The following NDUFS4 variants were observed in gnomAD, a reference collection of about 807,000 sequenced individuals.
NDUFS4 encodes NADH dehydrogenase [ubiquinone] iron-sulfur protein 4, mitochondrial.
A neutral mutation model predicts 24.3 loss-of-function variants in NDUFS4; 28 were observed. The observed-to-expected ratio is 1.15, with a 90% CI of 0.85 to 1.58. The LOEUF (loss-of-function observed/expected upper bound fraction) is 1.58, where lower values mean the gene tolerates loss of function less well. Among genes scored for constraint, NDUFS4 ranks in the 40% most tolerant of loss-of-function variants. The pLI, the probability that NDUFS4 is intolerant of heterozygous loss-of-function variation, is 0.00. For missense variants in NDUFS4, 223 were observed against 207.9 expected (o/e 1.07, Z -0.45); for synonymous variants, 93 against 69.7 (o/e 1.34, Z -1.67).
At chr5:53,623,558 G>T (rs1751122517) in intron 2 of NDUFS4, among the ~76,000 whole-genome samples, 1 of 152,004 alleles carries the variant, frequency 6.6e-6, no homozygotes, top group Admixed American at 6.6e-5. Flanking sequence ...TTTTAATTTT[G>T]ATGACGTCTG....
At chr5:53,562,947 G>T (rs1321248941) in intron 1 of NDUFS4, among the ~76,000 whole-genome samples, 7 of 152,064 alleles carry the variant, frequency 4.6e-5, no homozygotes, top group Non-Finnish European at 1.0e-4. Flanking sequence ...AGGAAAGGAA[G>T]GGCCGGGCGC....
rs554278783 is a variant in NDUFS4 at position 53,647,480 on chromosome 5, G to A, written c.350+1075G>A. On this transcript the variant is annotated intron_variant, in intron 3 of 4. Transcript: ENST00000296684. Reference sequence around the variant, plus strand: ...CGATCCACCCACCTCAGCCTCGAAAGTACTGAGATTACAGGTGTGAGCCAC... The same window carrying A: ...CGATCCACCCACCTCAGCCTCGAAAATACTGAGATTACAGGTGTGAGCCAC... Among the ~76,000 whole-genome samples the A allele has an allele frequency of 9.9e-5, 15 of 152,200 alleles. No individual in the cohort carries two copies. The East Asian group carries it at 2.9e-3, about 29-fold the overall frequency.
chr5:53,628,292 A>G (rs1579893795), intron 2 of NDUFS4, among the ~76,000 whole-genome samples: 1 of 152,126 alleles, frequency 6.6e-6, no homozygotes, highest in African/African-American at 2.4e-5. Context: ...CTAGCATTTT[A>G]TTGAGGATTT....
intron 1 of NDUFS4, among the ~76,000 whole-genome samples, chr5:53,578,270 A>G (rs1301595802): frequency 6.6e-6 from 1 of 152,192 alleles, no homozygotes; most frequent in Non-Finnish European, 1.5e-5. Flanking sequence ...GTGGCCCCTT[A>G]TTAAGGCTCA....
rs1740731501 is a variant in NDUFS4 at position 53,683,172 on chromosome 5, A to G, written c.479A>G (p.Tyr160Cys). 6.2e-7 allele frequency: 1 copy of G among 1,612,700 alleles called. No individual in the cohort carries two copies. Among genetic ancestry groups the G allele is most frequent in the African/African-American group, 1.3e-5 (1 of 74,964 alleles). ...GTTCCAAAACCCAAGTCCAAGTCTT[A>G]TGGTGCAAACTTTTCTTGGAACAAA... is the stretch of plus-strand genomic sequence containing the variant. ...RKVPKPKSKS[Y>C]GANFSWNKRT... Residue 160 changes from tyrosine (Y) to cysteine (C), a missense_variant, in exon 5 of 5, where the codon TAT becomes TGT. Physicochemically the swap from Tyr to Cys is radical, Grantham distance 194 (BLOSUM62 -2). Transcript: ENST00000296684.
chr5:53,569,653 G>A lies in NDUFS4; in HGVS notation c.98+8893G>A, dbSNP rs139295899. Among the ~76,000 whole-genome samples the A allele has an allele frequency of 6.9e-3, 1,055 of 152,204 alleles. 18 individuals are homozygous for A. The highest frequency in any genetic ancestry group is 0.024 in the African/African-American group (1,012 of 41,536). On this transcript the variant is annotated intron_variant, in intron 1 of 4. Coordinates refer to ENST00000296684, the MANE Select transcript of NDUFS4 (RefSeq NM_002495.4). The stretch of plus-strand genomic sequence containing the variant: ...ACGTTTAGACTTACTGGTAAGTGAT[G>A]TTTTTCTTTGAAACTGTATAGAACA...
At chr5:53,602,095 T>C (rs1385712965) in intron 1 of NDUFS4, among the ~76,000 whole-genome samples, 1 of 152,194 alleles carries the variant, frequency 6.6e-6, no homozygotes, top group East Asian at 1.9e-4. Flanking sequence ...GAAAATGTGA[T>C]AACATTTTCT....
intron 2 of NDUFS4, among the ~76,000 whole-genome samples, chr5:53,635,759 A>G (rs1452407322): frequency 6.6e-6 from 1 of 152,140 alleles, no homozygotes; most frequent in Non-Finnish European, 1.5e-5. Context: ...AGTTGTTCCA[A>G]AGTTTGAACT....
intron 4 of NDUFS4, among the ~76,000 whole-genome samples, chr5:53,667,971 A>G (rs1219688827): frequency 6.6e-6 from 1 of 152,198 alleles, no homozygotes; most frequent in Non-Finnish European, 1.5e-5. Context: ...TATGCTGTAT[A>G]GGGGGAAATG....
intron 4 of NDUFS4, among the ~76,000 whole-genome samples, chr5:53,664,486 G>T (rs932568002): frequency 3.3e-5 from 5 of 152,132 alleles, no homozygotes; most frequent in African/African-American, 1.2e-4. Flanking sequence ...CGTAGATTTG[G>T]TCTTTTCATA....
chr5:53,681,673 C>A (rs892395766), intron 4 of NDUFS4, among the ~76,000 whole-genome samples: 1 of 152,070 alleles, frequency 6.6e-6, no homozygotes, highest in Non-Finnish European at 1.5e-5. Flanking sequence ...TATTTTCTCT[C>A]CTGGATTCTG....
intron 1 of NDUFS4, among the ~76,000 whole-genome samples, chr5:53,566,656 G>A (rs1379425465): frequency 6.6e-6 from 1 of 151,966 alleles, no homozygotes; most frequent in Non-Finnish European, 1.5e-5. Flanking sequence ...GATTTAAGAT[G>A]GTGTAGTATT....
At chr5:53,664,829 G>A (rs987130391) in intron 4 of NDUFS4, among the ~76,000 whole-genome samples, 3 of 152,178 alleles carry the variant, frequency 2.0e-5, no homozygotes, top group East Asian at 1.9e-4. Context: ...CTGTCAACTC[G>A]TCAAAGTCAT....
intron 1 of NDUFS4, among the ~76,000 whole-genome samples, chr5:53,563,171 G>C (rs1362501932): frequency 7.4e-6 from 1 of 135,858 alleles, no homozygotes; most frequent in African/African-American, 2.7e-5. Flanking sequence ...AGAGCTTGCA[G>C]TGAGTCAAGA....
chr5:53,614,075 A>G (rs890889882), intron 2 of NDUFS4, among the ~76,000 whole-genome samples: 3 of 151,922 alleles, frequency 2.0e-5, no homozygotes, highest in Admixed American at 6.6e-5. Context: ...CATGCTCTTA[A>G]ATAGTTGAAA....
chr5:53,580,610 AC>A (rs1435653140), intron 1 of NDUFS4, among the ~76,000 whole-genome samples: 1 of 152,200 alleles, frequency 6.6e-6, no homozygotes, highest in Non-Finnish European at 1.5e-5. Flanking sequence ...AAACAATGTT[AC>A]GATGATGACT....
intron 2 of NDUFS4, among the ~76,000 whole-genome samples, chr5:53,607,177 T>A (rs779704121): frequency 6.6e-6 from 1 of 152,194 alleles, no homozygotes; most frequent in Non-Finnish European, 1.5e-5. Flanking sequence ...AGACATTTTC[T>A]TGAAAATGAA....
chr5:53,680,222 T>C (rs929213955), intron 4 of NDUFS4, among the ~76,000 whole-genome samples: 13 of 152,260 alleles, frequency 8.5e-5, no homozygotes, highest in African/African-American at 2.9e-4. Context: ...ATGCCTTCCT[T>C]ATAGCCATGC....
intron 1 of NDUFS4, among the ~76,000 whole-genome samples, chr5:53,585,767 G>GTGTGTA (rs1339926873): frequency 6.6e-5 from 10 of 151,126 alleles, no homozygotes; most frequent in Non-Finnish European, 1.0e-4. Flanking sequence ...GAAAATTTTT[G>GTGTGTA]TGTGTATGTG....
Sources: allele counts gnomAD v4.1 joint callset (sites outside exome capture counted in the v4.1 genomes callset), GRCh38; gene constraint gnomAD v4.1.1; transcripts MANE v1.5; gene names NCBI Gene and HGNC (gene_info 2026-07-23, HGNC 2026-07-21).